The following KHDRBS2 variants were observed in gnomAD, a reference collection of about 807,000 sequenced individuals.
The protein encoded by KHDRBS2 is KH domain-containing, RNA-binding, signal transduction-associated protein 2.
Under a neutral mutation model 44.3 loss-of-function variants are expected in KHDRBS2, and 26 were observed. The ratio of observed to expected loss-of-function variants is 0.59; its 90% CI spans 0.43 to 0.81. The LOEUF (loss-of-function observed/expected upper bound fraction) is 0.81, where lower values mean the gene tolerates loss of function less well. Among genes scored for constraint, KHDRBS2 ranks in the 40% least tolerant of loss-of-function variants. The pLI is 0.00. For synonymous variants in KHDRBS2, 194 were observed against 151.1 expected, an observed-to-expected ratio of 1.28 and a Z score of -2.08; for missense variants, 476 against 433.1, an observed-to-expected ratio of 1.10 and a Z score of -0.88.
chr6:62,094,230 TC>T (rs1800098070), intron 2 of KHDRBS2, among the ~76,000 whole-genome samples: 1 of 151,872 alleles, frequency 6.6e-6, no homozygotes, highest in South Asian at 2.1e-4. Context: ...TAGTATCCAT[TC>T]TAACAGAAGT....
intron 1 of KHDRBS2, among the ~76,000 whole-genome samples, chr6:62,206,194 A>G (rs765526604): frequency 6.6e-6 from 1 of 152,284 alleles, no homozygotes; most frequent in South Asian, 2.1e-4. Flanking sequence ...AAAACTATGC[A>G]TAAATTTAGA....
At chr6:61,827,436 G>A (rs1414830262) in intron 6 of KHDRBS2, among the ~76,000 whole-genome samples, 1 of 152,146 alleles carries the variant, frequency 6.6e-6, no homozygotes, top group Non-Finnish European at 1.5e-5. Flanking sequence ...TGCCTGTTAG[G>A]AGGAAACAAT....
At chr6:61,812,006 A>G (rs1348637627) in intron 6 of KHDRBS2, among the ~76,000 whole-genome samples, 2 of 152,130 alleles carry the variant, frequency 1.3e-5, no homozygotes, top group Non-Finnish European at 2.9e-5. Context: ...TTATTGTAAA[A>G]AGTTAATGAA....
At chr6:62,112,780 C>A (rs1269479414) in intron 2 of KHDRBS2, among the ~76,000 whole-genome samples, 1 of 152,072 alleles carries the variant, frequency 6.6e-6, no homozygotes, top group Non-Finnish European at 1.5e-5. Flanking sequence ...GATTCTGTAC[C>A]TTTAGCAAAA....
intron 2 of KHDRBS2, among the ~76,000 whole-genome samples, chr6:62,109,816 G>C (rs989441236): frequency 4.6e-5 from 7 of 150,974 alleles, no homozygotes; most frequent in African/African-American, 1.7e-4. Context: ...AAAAGAGGGA[G>C]AGAAGGAAAG....
At chr6:62,252,309 A>T (rs1325370159) in intron 1 of KHDRBS2, among the ~76,000 whole-genome samples, 1 of 151,804 alleles carries the variant, frequency 6.6e-6, no homozygotes, top group Non-Finnish European at 1.5e-5. Flanking sequence ...GCATCATATC[A>T]CTGCTGGTCT....
chr6:61,895,211 G>A (rs527813080), intron 5 of KHDRBS2, among the ~76,000 whole-genome samples: 3 of 151,124 alleles, frequency 2.0e-5, no homozygotes, highest in African/African-American at 4.9e-5. Flanking sequence ...TCAGAGCATC[G>A]TCTGATATAT....
intron 6 of KHDRBS2, among the ~76,000 whole-genome samples, chr6:61,744,710 T>C (rs1480897816): frequency 2.0e-5 from 3 of 152,150 alleles, no homozygotes; most frequent in African/African-American, 7.2e-5. Context: ...TTTATCCTTT[T>C]TATCCTTTAT....
rs1413599099 is a variant in KHDRBS2, at chr6:62,213,830, C to T, written c.92-36518G>A. Among the ~76,000 whole-genome samples, 5 of 128,164 alleles carry T rather than the reference C, an allele frequency of 3.9e-5. No homozygotes were observed. The East Asian group carries it at 7.2e-4, about 19-fold the overall frequency. The allele number at this position is 128,164 out of a possible 152,430, so 84.1% of individuals were successfully genotyped here. A position where few individuals can be genotyped will look rare whatever the true frequency, so the allele number is the denominator to read the frequency against. ...CGGAGCTTGCAGTGAGCCGAGATCA[C>T]GCCACTGCACTCCAGCCTGGGTGAC... On this transcript the variant is annotated intron_variant, in intron 1 of 8. Coordinates refer to ENST00000281156, the MANE Select transcript of KHDRBS2 (RefSeq NM_152688.4).
chr6:61,860,240 G>A (rs906921945), intron 6 of KHDRBS2, among the ~76,000 whole-genome samples: 1 of 150,704 alleles, frequency 6.6e-6, no homozygotes, highest in African/African-American at 2.5e-5. Context: ...TTCCCCACAA[G>A]AAGAGATAGA....
chr6:62,168,414 G>A (rs1278699300), intron 2 of KHDRBS2, among the ~76,000 whole-genome samples: 1 of 152,180 alleles, frequency 6.6e-6, no homozygotes, highest in South Asian at 2.1e-4. Context: ...GAACAAACAG[G>A]TACACCAGCA....
chr6:62,194,587 G>A (rs144344394), intron 1 of KHDRBS2, among the ~76,000 whole-genome samples: 238 of 129,576 alleles, frequency 1.8e-3, no homozygotes, highest in African/African-American at 6.9e-3. Flanking sequence ...TGCAACCTCC[G>A]CCTCCCATTT....
At chr6:61,653,361 C>G in the KHDRBS2 span, among the ~76,000 whole-genome samples, 2 of 152,018 alleles carry the variant, frequency 1.3e-5, no homozygotes, top group African/African-American at 2.4e-5. Context: ...AATAACAAGT[C>G]TGTTACATGT....
At chr6:62,083,656 C>T (rs1797853535) in intron 2 of KHDRBS2, among the ~76,000 whole-genome samples, 1 of 152,148 alleles carries the variant, frequency 6.6e-6, no homozygotes, top group South Asian at 2.1e-4. Context: ...ACCTCTGCAC[C>T]CACTCACCTG....
intron 3 of KHDRBS2, among the ~76,000 whole-genome samples, chr6:62,040,206 A>G (rs2127298917): frequency 6.6e-6 from 1 of 152,122 alleles, no homozygotes; most frequent in East Asian, 1.9e-4. Context: ...TACAATACAG[A>G]ACAAAACTAA....
intron 1 of KHDRBS2, among the ~76,000 whole-genome samples, chr6:62,206,354 C>A (rs17362712): frequency 0.055 from 8,353 of 152,082 alleles, 313 homozygotes; most frequent in Non-Finnish European, 0.071. Context: ...TCAAAACGTT[C>A]TTTGGTAAAA....
intron 1 of KHDRBS2, among the ~76,000 whole-genome samples, chr6:62,270,958 T>C (rs1466244338): frequency 2.0e-5 from 3 of 152,142 alleles, no homozygotes; most frequent in East Asian, 1.9e-4. Flanking sequence ...TTACCTACCA[T>C]GTTTTTTCTA....
downstream of KHDRBS2, among the ~76,000 whole-genome samples, chr6:61,676,142 T>G (rs1009153205): frequency 2.6e-5 from 4 of 151,798 alleles, no homozygotes; most frequent in African/African-American, 9.7e-5. Flanking sequence ...CAGTTAGGAC[T>G]ACTTGCTGAT....
chr6:62,106,773 C>A (rs549538118), intron 2 of KHDRBS2, among the ~76,000 whole-genome samples: 2 of 152,128 alleles, frequency 1.3e-5, no homozygotes, highest in African/African-American at 4.8e-5. Flanking sequence ...CCCTGGGATG[C>A]AAGGCTGGTT....
Sources: gnomAD v4.1 joint callset for allele counts (sites outside exome capture counted in the v4.1 genomes callset) on GRCh38, gnomAD v4.1.1 for gene constraint, MANE v1.5 for transcripts, NCBI Gene and HGNC (gene_info 2026-07-23, HGNC 2026-07-21) for gene names.